CDC5L: variants seen among roughly 807,000 people sequenced by gnomAD.
The protein encoded by CDC5L is cell division cycle 5-like protein.
In CDC5L, 18 loss-of-function variants were observed where a neutral mutation model predicts 104.1. The ratio of observed to expected loss-of-function variants is 0.17; its 90% CI spans 0.12 to 0.26. CDC5L has a LOEUF of 0.26. Among genes scored for constraint, CDC5L ranks in the 10% least tolerant of loss-of-function variants. The pLI is 1.00. For synonymous variants in CDC5L, 331 were observed against 322.7 expected, an observed-to-expected ratio of 1.03 and a Z score of -0.28; for missense variants, 673 against 956.9, an observed-to-expected ratio of 0.70 and a Z score of 3.91.
chr6:44,390,682 T>C (rs1179521878), intron 2 of CDC5L, among the ~76,000 whole-genome samples: 1 of 152,152 alleles, frequency 6.6e-6, no homozygotes, highest in Non-Finnish European at 1.5e-5. Context: ...TTGTGAAGCA[T>C]ACAAAGTCTA....
intron 14 of CDC5L, among the ~76,000 whole-genome samples, chr6:44,444,252 C>G (rs983994456): frequency 2.0e-5 from 3 of 152,182 alleles, no homozygotes; most frequent in African/African-American, 7.2e-5. Flanking sequence ...TGGCTGCACT[C>G]TACGATCCTG....
chr6:44,448,324 TCTTA>T lies in CDC5L; in HGVS notation c.*1617_*1620del, dbSNP rs1298735832. 1 of 152,196 alleles carries T rather than the reference TCTTA, an allele frequency of 6.6e-6. No individual in the cohort carries two copies. The highest frequency in any genetic ancestry group is 2.4e-5 in the African/African-American group (1 of 41,452). The allele number at this position is 152,196 out of a possible 1,614,324, so 9.4% of individuals were successfully genotyped here. ...ATAAGGCTATAATAAGGAATTTGGA[TCTTA>T]CTTTAAATATGATAAGAATCGATGA... is the stretch of plus-strand genomic sequence containing the variant. On this transcript the variant is annotated 3_prime_UTR_variant, in exon 16 of 16. Transcript: ENST00000371477.
intron 4 of CDC5L, among the ~76,000 whole-genome samples, chr6:44,396,035 C>T (rs182381455): frequency 1.6e-4 from 25 of 152,272 alleles, no homozygotes; most frequent in Non-Finnish European, 2.9e-4. Context: ...TTACATATTT[C>T]GTTTTACTTA....
rs200199886 is a variant in CDC5L at position 44,424,111 on chromosome 6, CTT to C, written c.1405-302_1405-301del. On this transcript the variant is annotated intron_variant, in intron 10 of 15. Transcript: ENST00000371477. ...AATATTAGGCTGATTTTTTTTGAGA[CTT>C]TTTTTCTCTTTCTGTAATTTTTAAT... Among the ~76,000 whole-genome samples the C allele has an allele frequency of 7.9e-3, 1,205 of 151,992 alleles. 20 individuals carry two copies. Among genetic ancestry groups the C allele is most frequent in the African/African-American group, 0.028 (1,151 of 41,458 alleles).
At chr6:44,410,673 A>G (rs1262090761) in intron 8 of CDC5L, among the ~76,000 whole-genome samples, 1 of 152,230 alleles carries the variant, frequency 6.6e-6, no homozygotes, top group African/African-American at 2.4e-5. Context: ...TGTTAAAAGT[A>G]AACCTCGTTT....
chr6:44,413,695 CA>C (rs1036861652), intron 8 of CDC5L, among the ~76,000 whole-genome samples: 3 of 152,022 alleles, frequency 2.0e-5, no homozygotes, highest in African/African-American at 7.3e-5. Context: ...GTGATCCTCC[CA>C]ACTTGGCCTC....
At chr6:44,400,265 C>G (rs1791060402) in intron 5 of CDC5L, among the ~76,000 whole-genome samples, 1 of 152,130 alleles carries the variant, frequency 6.6e-6, no homozygotes, top group African/African-American at 2.4e-5. Context: ...TTTCCTGTTT[C>G]TTTGCATGTC....
intron 8 of CDC5L, among the ~76,000 whole-genome samples, chr6:44,416,323 A>G (rs1200897379): frequency 6.6e-6 from 1 of 152,186 alleles, no homozygotes; most frequent in African/African-American, 2.4e-5. Flanking sequence ...GAGGCCAGGC[A>G]TGGAAGTCTG....
chr6:44,419,453 C>T lies in CDC5L; in HGVS notation c.1097C>T (p.Ala366Val), dbSNP rs1361269966. The change falls in exon 9 of 16, where the codon GCC becomes GTC. Residue 366 changes from alanine (A) to valine (V), a missense_variant. Ala to Val is a moderately conservative substitution (Grantham distance 64). This residue lies in a region of CDC5L where 578 missense variants were observed against 737.0 expected (regional missense o/e 0.78). Coordinates refer to ENST00000371477, the MANE Select transcript of CDC5L (RefSeq NM_001253.4). The part of the protein sequence containing the change: ...PASQDRILQE[A>V]QNLMALTNVD... ...CTTTGTCTTCTTGTTAATCAGGAAG[C>T]CCAGAACCTCATGGCCCTCACCAAT... 1 of 1,613,706 alleles carries T rather than the reference C, an allele frequency of 6.2e-7. No individual in the cohort carries two copies.
At chr6:44,436,480 CAT>C (rs1371483576) in intron 14 of CDC5L, among the ~76,000 whole-genome samples, 7 of 152,086 alleles carry the variant, frequency 4.6e-5, no homozygotes, top group African/African-American at 1.7e-4. Flanking sequence ...AAATAGTTGA[CAT>C]ATTTGTAAAT....
Position 44,429,745 on chromosome 6 carries a change from G to A in CDC5L, c.1926G>A (p.Val642=). 1 of 1,613,990 alleles carries A rather than the reference G, an allele frequency of 6.2e-7. No homozygotes were observed. The highest frequency in any genetic ancestry group is 1.1e-5 in the South Asian group (1 of 91,068). Residue 642 remains valine (V), a synonymous_variant, in exon 14 of 16, where the codon GTG becomes GTA. Coordinates refer to ENST00000371477, the MANE Select transcript of CDC5L (RefSeq NM_001253.4). ...AQDVLVQEME[V]VKQGMSHGEL... Reference sequence around the variant, plus strand: ...ATGTTTTGGTGCAGGAGATGGAAGTGGTTAAACAAGGAATGAGCCATGGAG... The same window carrying A: ...ATGTTTTGGTGCAGGAGATGGAAGTAGTTAAACAAGGAATGAGCCATGGAG...
rs116403545 is a variant in CDC5L, at chr6:44,425,515, A to G, written c.1570-588A>G. On this transcript the variant is annotated intron_variant, in intron 11 of 15. Coordinates refer to ENST00000371477, the MANE Select transcript of CDC5L (RefSeq NM_001253.4). ...CTGCAGTCCATTGCTGGATGATTTT[A>G]GGGACCTTGAATCTCAGGGGATTGG... Among the ~76,000 whole-genome samples, 1,105 of 149,952 alleles carry G rather than the reference A, an allele frequency of 7.4e-3. 12 individuals are homozygous for G. Among genetic ancestry groups the G allele is most frequent in the African/African-American group, 0.025 (1,040 of 41,422 alleles).
chr6:44,436,955 A>G lies in CDC5L; in HGVS notation c.2091+7045A>G, dbSNP rs1486741184. On this transcript the variant is annotated intron_variant, in intron 14 of 15. Coordinates refer to ENST00000371477, the MANE Select transcript of CDC5L (RefSeq NM_001253.4). ...AGTGAACTTCATTTTATTTAAGACT[A>G]TTAGAAATTTTTTGTCAGTACATAT... Among the ~76,000 whole-genome samples the G allele has an allele frequency of 3.9e-5, 6 of 152,220 alleles. No individual in the cohort carries two copies. The South Asian group carries it at 6.2e-4, about 16-fold the overall frequency.
chr6:44,440,295 G>A (rs1793122442), intron 14 of CDC5L, among the ~76,000 whole-genome samples: 1 of 150,104 alleles, frequency 6.7e-6, no homozygotes, highest in African/African-American at 2.5e-5. Flanking sequence ...AGGCTGGAGT[G>A]CAGTCGCCTG....
chr6:44,414,544 C>G (rs1791826005), intron 8 of CDC5L, among the ~76,000 whole-genome samples: 1 of 149,936 alleles, frequency 6.7e-6, no homozygotes, highest in African/African-American at 2.5e-5. Context: ...GCTGGTGTTA[C>G]GTAGGCTGGT....
intron 14 of CDC5L, among the ~76,000 whole-genome samples, chr6:44,443,014 T>G (rs1793274745): frequency 6.6e-6 from 1 of 152,048 alleles, no homozygotes; most frequent in Non-Finnish European, 1.5e-5. Context: ...TGGCAGTTTT[T>G]TTTTCTCTCT....
chr6:44,442,945 A>C (rs1793269749), intron 14 of CDC5L, among the ~76,000 whole-genome samples: 1 of 152,102 alleles, frequency 6.6e-6, no homozygotes, highest in South Asian at 2.1e-4. Flanking sequence ...TTGATTGAAA[A>C]AGTCTTTATC....
intron 8 of CDC5L, among the ~76,000 whole-genome samples, chr6:44,416,795 T>C (rs1319664457): frequency 6.6e-6 from 1 of 152,232 alleles, no homozygotes; most frequent in Non-Finnish European, 1.5e-5. Flanking sequence ...ACATATGATA[T>C]TTCACGTCAC....
chr6:44,443,802 C>G (rs986703800), intron 14 of CDC5L, among the ~76,000 whole-genome samples: 4 of 148,360 alleles, frequency 2.7e-5, no homozygotes, highest in African/African-American at 7.4e-5. Flanking sequence ...TTGGGTAAAT[C>G]ATATATCTCC....
Sources: allele counts gnomAD v4.1 joint callset (sites outside exome capture counted in the v4.1 genomes callset), GRCh38; gene constraint gnomAD v4.1.1; regional missense constraint gnomAD v4.1.1; transcripts MANE v1.5; gene names NCBI Gene and HGNC (gene_info 2026-07-23, HGNC 2026-07-21).